RAD51B: variants seen among roughly 807,000 people sequenced by gnomAD.
RAD51B encodes the protein DNA repair protein RAD51 homolog 2.
A neutral mutation model predicts 42.2 loss-of-function variants in RAD51B; 38 were observed. The ratio of observed to expected loss-of-function variants is 0.90; its 90% CI spans 0.70 to 1.18. The LOEUF is 1.18. Ranked by LOEUF, RAD51B falls within the 50% of genes most tolerant of loss-of-function variation. RAD51B has a pLI of 0.00. For synonymous variants in RAD51B, 154 were observed against 145.2 expected, an observed-to-expected ratio of 1.06 and a Z score of -0.43; for missense variants, 373 against 400.7, an observed-to-expected ratio of 0.93 and a Z score of 0.59.
intron 7 of RAD51B, among the ~76,000 whole-genome samples, chr14:68,080,488 A>G (rs2140488492): frequency 6.6e-6 from 1 of 152,308 alleles, no homozygotes; most frequent in Middle Eastern, 3.4e-3. Context: ...AGTGTCTATC[A>G]AAACCCAGGC....
At chr14:68,314,948 G>T (rs1011918662) in intron 8 of RAD51B, among the ~76,000 whole-genome samples, 1 of 152,312 alleles carries the variant, frequency 6.6e-6, no homozygotes, top group South Asian at 2.1e-4. Context: ...TTCAGTCTTT[G>T]TCTCATTTTA....
chr14:68,563,937 C>T (rs1475855886), intron 10 of RAD51B: 1 of 981,736 alleles, frequency 1.0e-6, no homozygotes, highest in African/African-American at 1.7e-5. Context: ...AATATTGGCC[C>T]TGATAGAGAA....
intron 9 of RAD51B, among the ~76,000 whole-genome samples, chr14:68,452,306 T>C (rs1241038787): frequency 6.6e-6 from 1 of 152,194 alleles, no homozygotes. Context: ...GTTACCAAAT[T>C]CAGATGATGA....
intron 7 of RAD51B, among the ~76,000 whole-genome samples, chr14:68,134,723 T>C (rs1027190402): frequency 6.6e-6 from 1 of 152,090 alleles, no homozygotes; most frequent in Non-Finnish European, 1.5e-5. Flanking sequence ...TATATCCCGC[T>C]TGAGTGAAAG....
chr14:68,258,715 G>A (rs2080812244), intron 7 of RAD51B, among the ~76,000 whole-genome samples: 1 of 152,100 alleles, frequency 6.6e-6, no homozygotes, highest in African/African-American at 2.4e-5. Context: ...CAGACTGCCT[G>A]TTATTTGGGG....
intron 7 of RAD51B, among the ~76,000 whole-genome samples, chr14:68,178,667 C>T (rs2079005042): frequency 6.6e-6 from 1 of 152,190 alleles, no homozygotes; most frequent in Middle Eastern, 3.4e-3. Context: ...TAACTTCTCC[C>T]CAGTGCTGTC....
At chr14:68,450,565 C>T (rs2085534988) in intron 9 of RAD51B, among the ~76,000 whole-genome samples, 2 of 152,134 alleles carry the variant, frequency 1.3e-5, no homozygotes, top group South Asian at 2.1e-4. Context: ...TCCTGTTCCA[C>T]CTCTGAAGGG....
At chr14:68,002,380 G>T (rs2075501173) in intron 7 of RAD51B, among the ~76,000 whole-genome samples, 2 of 150,602 alleles carry the variant, frequency 1.3e-5, no homozygotes, top group Admixed American at 6.6e-5. Context: ...ACTTTTTAAT[G>T]TTTTTTTTTC....
At chr14:68,458,675 T>A (rs1186299461) in intron 9 of RAD51B, among the ~76,000 whole-genome samples, 2 of 149,684 alleles carry the variant, frequency 1.3e-5, no homozygotes, top group African/African-American at 4.9e-5. Context: ...TTATATTATT[T>A]ATATATCATA....
At chr14:68,490,289 T>C (rs2140279450) in intron 10 of RAD51B, among the ~76,000 whole-genome samples, 1 of 152,362 alleles carries the variant, frequency 6.6e-6, no homozygotes, top group East Asian at 1.9e-4. Flanking sequence ...GCTTATGTCA[T>C]TGAAAATTAA....
At chr14:68,518,947 C>CT (rs1886376462) in intron 10 of RAD51B, among the ~76,000 whole-genome samples, 1 of 152,164 alleles carries the variant, frequency 6.6e-6, no homozygotes, top group Non-Finnish European at 1.5e-5. Context: ...ATGCCAGAGC[C>CT]TAGGAACCAG....
chr14:68,270,736 C>G (rs2139583421), intron 7 of RAD51B, among the ~76,000 whole-genome samples: 1 of 152,298 alleles, frequency 6.6e-6, no homozygotes, highest in South Asian at 2.1e-4. Context: ...CTCTCTCTGT[C>G]TCTTTTTTTT....
intron 9 of RAD51B, among the ~76,000 whole-genome samples, chr14:68,441,863 C>T (rs989111308): frequency 7.2e-5 from 11 of 152,168 alleles, no homozygotes; most frequent in Admixed American, 1.3e-4. Flanking sequence ...TCATTATCAA[C>T]GGGCGCTGGC....
intron 7 of RAD51B, among the ~76,000 whole-genome samples, chr14:68,279,500 A>G (rs2081282581): frequency 6.6e-6 from 1 of 152,204 alleles, no homozygotes; most frequent in Admixed American, 6.5e-5. Context: ...CTCAGTTACC[A>G]GTCGTTAAAC....
At chr14:68,117,841 T>A (rs1195878326) in intron 7 of RAD51B, among the ~76,000 whole-genome samples, 1 of 152,228 alleles carries the variant, frequency 6.6e-6, no homozygotes, top group African/African-American at 2.4e-5. Flanking sequence ...TTTACACTAA[T>A]CCAACGATGC....
At chr14:67,853,988 A>G (rs2041904463) in intron 4 of RAD51B, among the ~76,000 whole-genome samples, 1 of 152,222 alleles carries the variant, frequency 6.6e-6, no homozygotes, top group Admixed American at 6.5e-5. Context: ...GCATTGTTCC[A>G]TTCCCTGAGA....
At chr14:68,202,149 A>G (rs573126833) in intron 7 of RAD51B, among the ~76,000 whole-genome samples, 8 of 152,222 alleles carry the variant, frequency 5.3e-5, no homozygotes, top group Non-Finnish European at 8.8e-5. Context: ...AATTAAAAAT[A>G]ATTTATTGCT....
At chr14:67,823,507 T>C in intron 1 of RAD51B, 35 bp from the exon 2 acceptor site, 1 of 1,590,050 alleles carries the variant, frequency 6.3e-7, no homozygotes, top group South Asian at 1.1e-5. Flanking sequence ...CTGTTGTTTT[T>C]TTCATGGTTC....
At chr14:67,854,172 C>T (rs916041206) in intron 4 of RAD51B, among the ~76,000 whole-genome samples, 1 of 152,166 alleles carries the variant, frequency 6.6e-6, no homozygotes, top group African/African-American at 2.4e-5. Flanking sequence ...TTCTACCACA[C>T]ATATACTGTA....
Sources: gnomAD v4.1 joint callset for allele counts (sites outside exome capture counted in the v4.1 genomes callset) on GRCh38, gnomAD v4.1.1 for gene constraint, MANE v1.5 for transcripts, NCBI Gene and HGNC (gene_info 2026-07-23, HGNC 2026-07-21) for gene names.